The following LRRTM4 variants were observed in gnomAD, a reference collection of about 807,000 sequenced individuals.
LRRTM4 encodes the protein leucine-rich repeat transmembrane neuronal protein 4.
A neutral mutation model predicts 47.6 loss-of-function variants in LRRTM4; 25 were observed. The observed-to-expected ratio is 0.53, with a 90% CI of 0.38 to 0.73. The LOEUF (loss-of-function observed/expected upper bound fraction) is 0.73. Ranked by LOEUF, LRRTM4 falls within the 30% of genes least tolerant of loss-of-function variation. The probability of loss-of-function intolerance (pLI) is 0.00; values close to 1 mark genes in which losing one functional copy is unlikely to be tolerated. For missense variants in LRRTM4, 638 were observed against 713.4 expected (o/e 0.89, Z 1.20); for synonymous variants, 311 against 269.5 (o/e 1.15, Z -1.51).
chr2:76,847,812 T>G (rs1671881604), intron 3 of LRRTM4, among the ~76,000 whole-genome samples: 1 of 152,142 alleles, frequency 6.6e-6, no homozygotes, highest in Non-Finnish European at 1.5e-5. Flanking sequence ...TTTGAATGTT[T>G]AATAAAATTT....
chr2:77,004,405 C>T (rs543599358), intron 3 of LRRTM4, among the ~76,000 whole-genome samples: 1 of 152,286 alleles, frequency 6.6e-6, no homozygotes, highest in East Asian at 1.9e-4. Flanking sequence ...AGGGTGCAAG[C>T]TCCAAGCCTC....
intron 3 of LRRTM4, among the ~76,000 whole-genome samples, chr2:76,801,639 A>G (rs1675689477): frequency 6.6e-6 from 1 of 152,086 alleles, no homozygotes; most frequent in Non-Finnish European, 1.5e-5. Context: ...CAATGTGCAC[A>G]TGTACCCTAA....
intron 3 of LRRTM4, among the ~76,000 whole-genome samples, chr2:77,054,338 G>T (rs894442429): frequency 6.6e-6 from 1 of 152,158 alleles, no homozygotes; most frequent in Non-Finnish European, 1.5e-5. Context: ...TGAATAAAAT[G>T]TAAGTATGTC....
At chr2:76,813,602 T>G (rs1670809948) in intron 3 of LRRTM4, among the ~76,000 whole-genome samples, 1 of 152,166 alleles carries the variant, frequency 6.6e-6, no homozygotes, top group African/African-American at 2.4e-5. Context: ...AAAAATAATC[T>G]CAGACAGTAC....
At chr2:76,909,420 G>A (rs1215424879) in intron 3 of LRRTM4, among the ~76,000 whole-genome samples, 7 of 152,012 alleles carry the variant, frequency 4.6e-5, no homozygotes, top group African/African-American at 1.5e-4. Context: ...TTACCATTCA[G>A]GACATAGGCA....
Position 76,974,199 on chromosome 2 carries a change from T to TACATATATATAC in LRRTM4, c.1552-225284_1552-225283insGTATATATATGT, listed in dbSNP as rs1233307114. 5.0e-3 allele frequency among the ~76,000 whole-genome samples: 471 copies of TACATATATATAC among 94,802 alleles called. 5 individuals carry two copies. The highest frequency in any genetic ancestry group is 0.016 in the African/African-American group (428 of 26,494). The allele number at this position is 94,802 out of a possible 152,430, so 62.2% of individuals were successfully genotyped here. ...ATATATATACATACATATATATACA[T>TACATATATATAC]ATATATATATACACATATATATACA... is the stretch of plus-strand genomic sequence containing the variant. On this transcript the variant is annotated intron_variant, in intron 3 of 3. Transcript: ENST00000409884.
At chr2:76,761,885 A>T (rs905444624) in intron 3 of LRRTM4, among the ~76,000 whole-genome samples, 3 of 152,240 alleles carry the variant, frequency 2.0e-5, no homozygotes, top group African/African-American at 7.2e-5. Context: ...CTCAAATATT[A>T]ATATGTAGGG....
chr2:77,042,692 A>G (rs1371482359), intron 3 of LRRTM4, among the ~76,000 whole-genome samples: 1 of 151,744 alleles, frequency 6.6e-6, no homozygotes, highest in African/African-American at 2.4e-5. Context: ...TTATGTGAAT[A>G]TTGTATAATT....
intron 3 of LRRTM4, among the ~76,000 whole-genome samples, chr2:77,300,360 T>A (rs544881831): frequency 5.3e-5 from 8 of 152,318 alleles, no homozygotes; most frequent in Non-Finnish European, 1.2e-4. Flanking sequence ...TTTTAAACTT[T>A]GGTCAGAGTC....
intron 3 of LRRTM4, among the ~76,000 whole-genome samples, chr2:76,943,114 T>C (rs1252073220): frequency 2.0e-5 from 3 of 152,200 alleles, no homozygotes; most frequent in African/African-American, 7.2e-5. Flanking sequence ...GCCTTCACAC[T>C]AGAATTCCGG....
intron 3 of LRRTM4, among the ~76,000 whole-genome samples, chr2:77,014,637 C>A (rs957812341): frequency 2.0e-5 from 3 of 151,652 alleles, no homozygotes; most frequent in African/African-American, 7.3e-5. Context: ...CATGGTGAAA[C>A]CCTGTCTTTA....
At chr2:77,440,299 A>G (rs1341972258) in intron 3 of LRRTM4, among the ~76,000 whole-genome samples, 2 of 152,124 alleles carry the variant, frequency 1.3e-5, no homozygotes, top group Non-Finnish European at 2.9e-5. Context: ...CTGTAGTCCC[A>G]GCTACTCAGG....
intron 3 of LRRTM4, among the ~76,000 whole-genome samples, chr2:76,962,527 G>A (rs549797824): frequency 1.3e-4 from 19 of 150,252 alleles, no homozygotes; most frequent in African/African-American, 3.9e-4. Context: ...TTTTGTCTAG[G>A]GAGAGAAACA....
chr2:76,964,329 T>TC (rs1225759685), intron 3 of LRRTM4, among the ~76,000 whole-genome samples: 2 of 151,066 alleles, frequency 1.3e-5, no homozygotes, highest in African/African-American at 4.8e-5. Flanking sequence ...GTAACTAGCC[T>TC]CTGTTTCATT....
chr2:77,160,073 A>G (rs918440054), intron 3 of LRRTM4, among the ~76,000 whole-genome samples: 2 of 152,112 alleles, frequency 1.3e-5, no homozygotes, highest in Non-Finnish European at 2.9e-5. Flanking sequence ...GAATTTCTCC[A>G]AGATGCATAT....
intron 3 of LRRTM4, among the ~76,000 whole-genome samples, chr2:77,311,491 C>T (rs982745778): frequency 6.6e-5 from 10 of 152,144 alleles, no homozygotes; most frequent in South Asian, 6.2e-4. Context: ...AGCTTCAAGT[C>T]CTTGCTTTGC....
chr2:77,086,806 A>AT (rs1308116448), intron 3 of LRRTM4, among the ~76,000 whole-genome samples: 2 of 152,080 alleles, frequency 1.3e-5, no homozygotes, highest in African/African-American at 4.8e-5. Flanking sequence ...ATATGTAATA[A>AT]TTTTAAAACC....
At chr2:76,904,816 G>A (rs184429019) in intron 3 of LRRTM4, among the ~76,000 whole-genome samples, 3 of 152,238 alleles carry the variant, frequency 2.0e-5, no homozygotes, top group East Asian at 3.9e-4. Flanking sequence ...CCTACCACAA[G>A]GTGTTATGGT....
At chr2:77,071,702 T>C (rs1680159712) in intron 3 of LRRTM4, among the ~76,000 whole-genome samples, 1 of 152,242 alleles carries the variant, frequency 6.6e-6, no homozygotes, top group African/African-American at 2.4e-5. Context: ...TAAATTGTTT[T>C]CTTGTTTAAT....
Sources: gnomAD v4.1 joint callset for allele counts (sites outside exome capture counted in the v4.1 genomes callset) on GRCh38, gnomAD v4.1.1 for gene constraint, MANE v1.5 for transcripts, NCBI Gene and HGNC (gene_info 2026-07-23, HGNC 2026-07-21) for gene names.